NAV3: variants seen among roughly 807,000 people sequenced by gnomAD.
NAV3 encodes neuron navigator 3, also known as pore membrane and/or filament interacting like protein 1.
NAV3 carries 87 observed loss-of-function variants against 244.7 expected under a neutral mutation model. The ratio of observed to expected loss-of-function variants is 0.36; its 90% confidence interval spans 0.30 to 0.42. NAV3 has a LOEUF of 0.42. Ranked by LOEUF, NAV3 falls within the 20% of genes least tolerant of loss-of-function variation. The pLI, the probability that NAV3 is intolerant of heterozygous loss-of-function variation, is 1.00. For missense variants in NAV3, 2,663 were observed against 2,893.3 expected (o/e 0.92, Z 1.83); for synonymous variants, 1,126 against 1,042.2 (o/e 1.08, Z -1.55).
At chr12:77,762,435 A>T (rs1418073187) in intron 2 of NAV3, among the ~76,000 whole-genome samples, 1 of 151,714 alleles carries the variant, frequency 6.6e-6, no homozygotes, top group Non-Finnish European at 1.5e-5. Flanking sequence ...AATAAAAAAT[A>T]AAAAAATACA....
chr12:77,809,244 G>A (rs554486053), intron 2 of NAV3, among the ~76,000 whole-genome samples: 1 of 152,174 alleles, frequency 6.6e-6, no homozygotes, highest in Non-Finnish European at 1.5e-5. Flanking sequence ...CAGCTAGCTC[G>A]GCGTCTGCCC....
rs187116318 is a variant in NAV3, at chr12:77,935,947, A to G, written c.244-4372A>G. Among the ~76,000 whole-genome samples the G allele has an allele frequency of 3.4e-4, 51 of 152,128 alleles. No individual in the cohort carries two copies. In the East Asian group the frequency reaches 9.9e-3, roughly 29 times the overall value. On this transcript the variant is annotated intron_variant, in intron 1 of 39. Coordinates refer to ENST00000397909, the MANE Select transcript of NAV3 (RefSeq NM_001024383.2). ...AGAAGTCTGCCCCCATGATTCAGTCACCTCCCACCAGGCCCCTCCTCCAAT... is the reference window on the plus strand; with the variant it reads ...AGAAGTCTGCCCCCATGATTCAGTCGCCTCCCACCAGGCCCCTCCTCCAAT...
At chr12:77,913,673 C>T (rs1886844103) in intron 1 of NAV3, among the ~76,000 whole-genome samples, 1 of 152,020 alleles carries the variant, frequency 6.6e-6, no homozygotes, top group Non-Finnish European at 1.5e-5. Flanking sequence ...ATGATAAAAA[C>T]TCTGCTATAC....
chr12:78,195,423 T>G (rs1048397671), intron 34 of NAV3, among the ~76,000 whole-genome samples: 3 of 151,932 alleles, frequency 2.0e-5, no homozygotes, highest in Non-Finnish European at 4.4e-5. Context: ...CTGTGAACCT[T>G]AAGTCTGGAT....
rs752755793 is a variant in NAV3, at chr12:78,204,925, C to T, written c.6835-10C>T. The T allele has an allele frequency of 6.2e-7, 1 of 1,612,534 alleles. No individual in the cohort carries two copies. Among genetic ancestry groups the T allele is most frequent in the Non-Finnish European group, 8.5e-7 (1 of 1,179,144 alleles). Reference sequence around the variant, plus strand: ...TTTATATATATCCTAAACGCGTGGTCAACTTTTAGATGTATGGGAAACGCA... The same window carrying T: ...TTTATATATATCCTAAACGCGTGGTTAACTTTTAGATGTATGGGAAACGCA... On this transcript the variant is annotated splice_polypyrimidine_tract_variant and intron_variant, in intron 38 of 39. Transcript: ENST00000397909.
intron 21 of NAV3, among the ~76,000 whole-genome samples, chr12:78,148,404 A>C (rs938021823): frequency 8.6e-5 from 13 of 151,572 alleles, no homozygotes; most frequent in Admixed American, 8.6e-4. Context: ...TGTACAGAGG[A>C]AAAAAAAACC....
intron 2 of NAV3, among the ~76,000 whole-genome samples, chr12:77,660,241 C>T (rs938986683): frequency 3.3e-5 from 5 of 152,122 alleles, no homozygotes; most frequent in Admixed American, 2.6e-4. Flanking sequence ...TCAGCTACTA[C>T]CATCAGTTTA....
At chr12:77,669,042 C>G (rs1387661015) in intron 2 of NAV3, among the ~76,000 whole-genome samples, 1 of 152,094 alleles carries the variant, frequency 6.6e-6, no homozygotes, top group Non-Finnish European at 1.5e-5. Flanking sequence ...TTGTATCCAG[C>G]AAATCTAAGT....
intron 38 of NAV3, among the ~76,000 whole-genome samples, chr12:78,201,567 T>C (rs1959708830): frequency 6.6e-6 from 1 of 152,088 alleles, no homozygotes; most frequent in African/African-American, 2.4e-5. Flanking sequence ...GATGAAAATG[T>C]ATCACTAAAA....
At chr12:78,073,822 G>A (rs1175125186) in intron 12 of NAV3, among the ~76,000 whole-genome samples, 1 of 152,052 alleles carries the variant, frequency 6.6e-6, no homozygotes, top group African/African-American at 2.4e-5. Context: ...AAAACAGCAT[G>A]GTACTGGTAC....
chr12:77,610,175 T>C (rs551661417), intron 2 of NAV3, among the ~76,000 whole-genome samples: 1 of 152,230 alleles, frequency 6.6e-6, no homozygotes, highest in East Asian at 1.9e-4. Context: ...AATGATGCTA[T>C]TGAACTATTG....
Position 78,143,495 on chromosome 12 carries a change from G to A in NAV3, c.4684-2874G>A, listed in dbSNP as rs546069068. ...AAAATACAGAAATTAGCCCGGTGTA[G>A]TGGCATACGTCTGTAATCCCAGCTA... is the stretch of plus-strand genomic sequence containing the variant. On this transcript the variant is annotated intron_variant, in intron 20 of 39. Transcript: ENST00000397909. 5.3e-4 allele frequency: 180 copies of A among 337,848 alleles called. 1 individual carries two copies. Among genetic ancestry groups the A allele is most frequent in the Non-Finnish European group, 3.7e-4 (64 of 172,038 alleles). 20.9% of individuals were successfully genotyped at this position (337,848 alleles called of 1,614,324 possible). A position where few individuals can be genotyped will look rare whatever the true frequency, so the allele number is the denominator to read the frequency against.
At chr12:77,753,348 G>A (rs1403050415) in intron 2 of NAV3, among the ~76,000 whole-genome samples, 1 of 152,030 alleles carries the variant, frequency 6.6e-6, no homozygotes, top group East Asian at 1.9e-4. Flanking sequence ...GTTTTTCACA[G>A]TAAATGTTCC....
chr12:77,598,607 A>G (rs894723956), intron 2 of NAV3, among the ~76,000 whole-genome samples: 16 of 152,062 alleles, frequency 1.1e-4, no homozygotes, highest in Non-Finnish European at 1.6e-4. Context: ...AAAAATCTGC[A>G]TATCTTTAAT....
chr12:77,868,320 T>G (rs1217696961), intron 1 of NAV3, among the ~76,000 whole-genome samples: 1 of 152,156 alleles, frequency 6.6e-6, no homozygotes, highest in Non-Finnish European at 1.5e-5. Context: ...ATATTGTTAA[T>G]ATAATAACGT....
At chr12:77,825,019 CAT>C (rs1297466412) in intron 2 of NAV3, among the ~76,000 whole-genome samples, 1 of 152,168 alleles carries the variant, frequency 6.6e-6, no homozygotes, top group Non-Finnish European at 1.5e-5. Context: ...AAAGATCAGA[CAT>C]GTGATGGACT....
At chr12:77,855,611 T>C (rs1375440369) in intron 1 of NAV3, among the ~76,000 whole-genome samples, 1 of 152,216 alleles carries the variant, frequency 6.6e-6, no homozygotes, top group African/African-American at 2.4e-5. Context: ...CTTTGAGCAA[T>C]AGAATGCAGT....
chr12:78,143,001 A>G (rs379985), intron 20 of NAV3, among the ~76,000 whole-genome samples: 8,055 of 152,124 alleles, frequency 0.053, 276 homozygotes, highest in Non-Finnish European at 0.072. Context: ...CGCCATGATC[A>G]GGCCTTAGGA....
At chr12:77,867,299 G>A (rs542496984) in intron 1 of NAV3, among the ~76,000 whole-genome samples, 24 of 152,204 alleles carry the variant, frequency 1.6e-4, no homozygotes, top group South Asian at 1.5e-3. Context: ...CATCTAAGTC[G>A]TGCCTTTCGC....
Sources: allele counts gnomAD v4.1 joint callset (sites outside exome capture counted in the v4.1 genomes callset), GRCh38; gene constraint gnomAD v4.1.1; transcripts MANE v1.5; gene names NCBI Gene and HGNC (gene_info 2026-07-23, HGNC 2026-07-21).